The following WRN variants were observed in gnomAD, a reference collection of about 807,000 sequenced individuals.
The protein encoded by WRN is bifunctional 3'-5' exonuclease/ATP-dependent helicase WRN.
WRN carries 149 observed loss-of-function variants against 180.7 expected under a neutral mutation model. The observed-to-expected ratio is 0.82, with a 90% CI of 0.72 to 0.94. The LOEUF is 0.94. Among genes scored for constraint, WRN ranks in the 40% least tolerant of loss-of-function variants. The probability of loss-of-function intolerance (pLI) is 0.00; values close to 1 mark genes in which losing one functional copy is unlikely to be tolerated. For synonymous variants in WRN, 548 were observed against 568.9 expected (o/e 0.96, Z 0.52); for missense variants, 1,661 against 1,700.1 (o/e 0.98, Z 0.40).
Position 31,141,458 on chromosome 8 carries a change from G to A in WRN, c.2996G>A (p.Arg999His), listed in dbSNP as rs769665299. 60 of 1,613,788 alleles carry A rather than the reference G, an allele frequency of 3.7e-5. No homozygotes were observed. The highest frequency in any genetic ancestry group is 9.4e-5 in the African/African-American group (7 of 74,828). ...SNSQRLADQY[R>H]RHSLFGTGKD... is the part of the protein sequence containing the mutation. ...TCTCAGCGTCTTGCCGATCAATATC[G>A]CAGGCACAGTTTATTTGGCACTGGC... The change falls in exon 25 of 35, where the codon CGC becomes CAC. Residue 999 changes from arginine (R) to histidine (H), a missense_variant. By Grantham distance (29) the Arg-to-His change is conservative (BLOSUM62 0). Around this residue, in one of 3 missense-constraint regions of WRN, gnomAD observed 1,141 missense variants for 1,149.4 expected, o/e 0.99. Transcript: ENST00000298139.
chr8:31,134,677 C>A (rs1451396427), intron 24 of WRN, among the ~76,000 whole-genome samples: 1 of 152,176 alleles, frequency 6.6e-6, no homozygotes, highest in East Asian at 1.9e-4. Flanking sequence ...CTTCTGATCA[C>A]GTTAGCAGAA....
At chr8:31,132,611 G>A (rs1802229623) in intron 24 of WRN, 105 bp downstream of exon 24, 2 of 1,495,050 alleles carry the variant, frequency 1.3e-6, no homozygotes, top group Non-Finnish European at 1.8e-6. Context: ...CTTCAGATGG[G>A]TGACTAGGAA....
chr8:31,111,548 A>G, intron 18 of WRN, 67 bp from the exon 19 acceptor site: 1 of 1,566,512 alleles, frequency 6.4e-7, no homozygotes, highest in Non-Finnish European at 8.8e-7. Context: ...CTTTGTAAGA[A>G]AGCTATAGAC....
Position 31,143,623 on chromosome 8 carries a change from G to A in WRN, c.3383G>A (p.Ser1128Asn), listed in dbSNP as rs775482053. Residue 1128 changes from serine to asparagine, a missense_variant and splice_region_variant, in exon 28 of 35, where the codon AGT becomes AAT. Transcript: ENST00000298139. The stretch of plus-strand genomic sequence containing the variant: ...TCTGGGAGTAACATTTCTAAAAAAA[G>A]GTACAGAGTTCCATATTTCTATGTT... ...ISSGSNISKK[S>N]IMVQSPEKAY... 1 of 1,576,420 alleles carries A rather than the reference G, an allele frequency of 6.3e-7. No individual in the cohort carries two copies. Among genetic ancestry groups the A allele is most frequent in the East Asian group, 2.3e-5 (1 of 44,442 alleles).
rs1382065133 is a variant in WRN, at chr8:31,175,657, C to T, written c.*2555C>T. The stretch of plus-strand genomic sequence containing the variant: ...TATCTGAACAGGCTATTAAAATACT[C>T]TTCTCTTTTCCAACTACGTGCCTGT... On this transcript the variant is annotated 3_prime_UTR_variant, in exon 35 of 35. Transcript: ENST00000298139. Among the ~76,000 whole-genome samples the T allele has an allele frequency of 6.6e-6, 1 of 152,162 alleles. No individual in the cohort carries two copies. Among genetic ancestry groups the T allele is most frequent in the Non-Finnish European group, 1.5e-5 (1 of 68,020 alleles).
At chr8:31,145,168 A>T (rs1379885031) in intron 28 of WRN, among the ~76,000 whole-genome samples, 1 of 152,252 alleles carries the variant, frequency 6.6e-6, no homozygotes, top group East Asian at 1.9e-4. Flanking sequence ...GCACTAACAG[A>T]CTTTGAATGT....
At position 31,075,205 on chromosome 8, in the gene WRN, C is replaced by T. The variant is rs562252187; in HGVS notation, c.725-968C>T. On this transcript the variant is annotated intron_variant, in intron 7 of 34. Transcript: ENST00000298139. ...ATGCAGTTTGGAGATGACAAGATAA[C>T]TGTAGTAATCAGGAATAGCAGGTTT... Among the ~76,000 whole-genome samples the T allele has an allele frequency of 3.3e-5, 5 of 152,254 alleles. No individual in the cohort carries two copies. In the East Asian group the frequency reaches 7.7e-4, roughly 24 times the overall value.
intron 33 of WRN, among the ~76,000 whole-genome samples, chr8:31,161,637 A>G (rs139614602): frequency 0.01 from 1,558 of 152,128 alleles, 23 homozygotes; most frequent in African/African-American, 0.036. Context: ...TCAGGAGTTC[A>G]AGACCAGCCT....
At chr8:31,070,914 C>T (rs1207963051) in intron 7 of WRN, among the ~76,000 whole-genome samples, 12 of 151,872 alleles carry the variant, frequency 7.9e-5, no homozygotes, top group African/African-American at 9.7e-5. Context: ...AGTGTGGTGA[C>T]GGGCACCTGT....
At chr8:31,075,961 T>C (rs1410952508) in intron 7 of WRN, among the ~76,000 whole-genome samples, 1 of 152,162 alleles carries the variant, frequency 6.6e-6, no homozygotes, top group African/African-American at 2.4e-5. Flanking sequence ...CTGCAGATCA[T>C]TTGGAATTTA....
chr8:31,170,227 T>C (rs1318753307), intron 34 of WRN, among the ~76,000 whole-genome samples: 2 of 152,162 alleles, frequency 1.3e-5, no homozygotes, highest in African/African-American at 4.8e-5. Context: ...AGTTCTGTCT[T>C]AATTCTGGAA....
In WRN at chr8:31,120,430, A is replaced by C. The variant is rs1242715690; in HGVS notation, c.2630+6A>C. 1.2e-6 allele frequency: 2 copies of C among 1,610,978 alleles called. No homozygotes were observed. On this transcript the variant is annotated splice_donor_region_variant and intron_variant, in intron 21 of 34. Coordinates refer to ENST00000298139, the MANE Select transcript of WRN (RefSeq NM_000553.6). ...GCAGACATTAACTTAAATAGGTAAA[A>C]AAAATTTATTGTTTTTACTCTTGCA...
At chr8:31,122,321 G>C (rs1487849704) in intron 21 of WRN, among the ~76,000 whole-genome samples, 1 of 152,012 alleles carries the variant, frequency 6.6e-6, no homozygotes, top group African/African-American at 2.4e-5. Flanking sequence ...AAACTAGAAA[G>C]TCTAAGAATA....
intron 11 of WRN, among the ~76,000 whole-genome samples, chr8:31,086,041 A>G (rs1004724731): frequency 6.6e-6 from 1 of 152,050 alleles, no homozygotes; most frequent in Non-Finnish European, 1.5e-5. Flanking sequence ...TATAATTTAT[A>G]TATTTTCTAT....
intron 3 of WRN, among the ~76,000 whole-genome samples, chr8:31,062,923 T>C (rs1369948574): frequency 6.6e-6 from 1 of 152,148 alleles, no homozygotes; most frequent in Non-Finnish European, 1.5e-5. Context: ...CTCAACCTTA[T>C]GGGCTCGAGT....
At chr8:31,128,156 A>G (rs948276189) in intron 23 of WRN, among the ~76,000 whole-genome samples, 26 of 152,242 alleles carry the variant, frequency 1.7e-4, no homozygotes, top group African/African-American at 5.5e-4. Flanking sequence ...GGAGAAATCA[A>G]CAAATCCACC....
chr8:31,080,639 TAGTAAACATACA>T lies in WRN; in HGVS notation c.840-224_840-213del, dbSNP rs1813264893. Among the ~76,000 whole-genome samples the T allele has an allele frequency of 2.6e-5, 4 of 152,110 alleles. No homozygotes were observed. In the South Asian group the frequency reaches 8.3e-4, roughly 32 times the overall value. On this transcript the variant is annotated intron_variant, in intron 8 of 34. Transcript: ENST00000298139. ...TTTGGGACCAAGCACTACTGACTCT[TAGTAAACATACA>T]AGTCAACTGTTGGTGCAGAAGTGCC...
At chr8:31,140,799 A>G (rs1802591315) in intron 24 of WRN, among the ~76,000 whole-genome samples, 2 of 152,214 alleles carry the variant, frequency 1.3e-5, no homozygotes, top group African/African-American at 4.8e-5. Context: ...TCTGTTGCCC[A>G]GGCTGGAGTG....
At chr8:31,143,649 C>G (rs766256513) in intron 28 of WRN, 26 bp downstream of exon 28, 1 of 1,496,242 alleles carries the variant, frequency 6.7e-7, no homozygotes, top group South Asian at 1.2e-5. Flanking sequence ...TTTCTATGTT[C>G]TATACTTGCT....
Sources: gnomAD v4.1 joint callset for allele counts (sites outside exome capture counted in the v4.1 genomes callset) on GRCh38, gnomAD v4.1.1 for gene constraint, gnomAD v4.1.1 regional missense constraint, MANE v1.5 for transcripts, NCBI Gene and HGNC (gene_info 2026-07-23, HGNC 2026-07-21) for gene names.